The following GRM8 variants were observed in gnomAD, a reference collection of about 807,000 sequenced individuals.
GRM8 encodes the protein metabotropic glutamate receptor 8.
Under a neutral mutation model 87.2 loss-of-function variants are expected in GRM8, and 47 were observed. The ratio of observed to expected loss-of-function variants is 0.54; its 90% CI spans 0.43 to 0.69. The LOEUF (loss-of-function observed/expected upper bound fraction) is 0.69. GRM8 is among the 30% of genes least tolerant of loss of function. The pLI is 0.00. For synonymous variants in GRM8, 396 were observed against 404.5 expected (o/e 0.98, Z 0.25); for missense variants, 1,019 against 1,139.2 (o/e 0.89, Z 1.52).
intron 7 of GRM8, among the ~76,000 whole-genome samples, chr7:126,676,869 A>T (rs1344069388): frequency 1.3e-5 from 2 of 152,090 alleles, no homozygotes; most frequent in Non-Finnish European, 2.9e-5. Flanking sequence ...GAAATAAATG[A>T]GGCCTAATTA....
rs77795179 is a variant in GRM8, at chr7:126,623,423, C to A, written c.1358-13925G>T. Among the ~76,000 whole-genome samples, 573 of 152,182 alleles carry A rather than the reference C, an allele frequency of 3.8e-3. 5 individuals carry two copies. Among genetic ancestry groups the A allele is most frequent in the African/African-American group, 0.013 (554 of 41,520 alleles). ...TACTTTATGCACTTATTTCCTAAGT[C>A]TTCAAAATCTTATGTATACTTTATA... On this transcript the variant is annotated intron_variant, in intron 7 of 10. Coordinates refer to ENST00000339582, the MANE Select transcript of GRM8 (RefSeq NM_000845.3).
chr7:127,056,663 T>C (rs1313718481), intron 3 of GRM8, among the ~76,000 whole-genome samples: 1 of 152,208 alleles, frequency 6.6e-6, no homozygotes, highest in African/African-American at 2.4e-5. Context: ...TATCCTGTAA[T>C]CAAGACACAG....
intron 2 of GRM8, among the ~76,000 whole-genome samples, chr7:127,127,631 C>A (rs778040906): frequency 6.6e-6 from 1 of 151,896 alleles, no homozygotes; most frequent in Non-Finnish European, 1.5e-5. Context: ...GGGGCCAGAG[C>A]AGGGTAAGAG....
At chr7:127,145,948 T>C (rs1828530618) in intron 2 of GRM8, among the ~76,000 whole-genome samples, 1 of 152,016 alleles carries the variant, frequency 6.6e-6, no homozygotes, top group African/African-American at 2.4e-5. Context: ...GTAAGATAAA[T>C]TCACCTTGAG....
At chr7:126,940,903 G>C (rs1333321402) in intron 3 of GRM8, among the ~76,000 whole-genome samples, 4 of 152,098 alleles carry the variant, frequency 2.6e-5, no homozygotes, top group Non-Finnish European at 5.9e-5. Context: ...TGACATTGTC[G>C]AAAAAGGGAC....
At chr7:126,610,280 A>G (rs955167542) in intron 7 of GRM8, among the ~76,000 whole-genome samples, 2 of 152,168 alleles carry the variant, frequency 1.3e-5, no homozygotes, top group African/African-American at 2.4e-5. Flanking sequence ...TCACCACCCC[A>G]ATGTCTTCTT....
intron 6 of GRM8, among the ~76,000 whole-genome samples, chr7:126,896,789 A>G (rs1227979714): frequency 6.6e-6 from 1 of 152,028 alleles, no homozygotes; most frequent in African/African-American, 2.4e-5. Context: ...TGCATAGCAT[A>G]TGCTCACCAC....
At chr7:126,762,916 A>G (rs1340834090) in intron 7 of GRM8, among the ~76,000 whole-genome samples, 3 of 151,990 alleles carry the variant, frequency 2.0e-5, no homozygotes, top group Non-Finnish European at 4.4e-5. Flanking sequence ...AAGTCTTCAT[A>G]AATTTGATAA....
intron 2 of GRM8, among the ~76,000 whole-genome samples, chr7:127,114,953 T>C (rs1826610709): frequency 1.3e-5 from 2 of 152,044 alleles, no homozygotes; most frequent in Non-Finnish European, 2.9e-5. Flanking sequence ...AGCCACAACC[T>C]AGAAGGAGTC....
chr7:127,207,385 C>T (rs1326699607), intron 2 of GRM8, among the ~76,000 whole-genome samples: 3 of 152,080 alleles, frequency 2.0e-5, no homozygotes, highest in Admixed American at 6.6e-5. Flanking sequence ...TTTATTAAAA[C>T]ACTAATCATA....
chr7:126,698,629 G>A (rs1474382579), intron 7 of GRM8, among the ~76,000 whole-genome samples: 7 of 151,944 alleles, frequency 4.6e-5, no homozygotes, highest in Admixed American at 2.0e-4. Flanking sequence ...AATCTAGACC[G>A]TGAAACCTTT....
chr7:126,488,142 C>A (rs780675374), intron 9 of GRM8, among the ~76,000 whole-genome samples: 1 of 151,794 alleles, frequency 6.6e-6, no homozygotes, highest in African/African-American at 2.4e-5. Flanking sequence ...ATTTTCCTTG[C>A]TTTATCAATA....
intron 9 of GRM8, among the ~76,000 whole-genome samples, chr7:126,516,704 A>G (rs1234310350): frequency 1.3e-5 from 2 of 152,110 alleles, no homozygotes; most frequent in Non-Finnish European, 2.9e-5. Context: ...ATGGGAGGCA[A>G]TTTGAGAAAT....
intron 7 of GRM8, among the ~76,000 whole-genome samples, chr7:126,755,846 TAGA>T (rs919482776): frequency 2.6e-5 from 4 of 151,990 alleles, no homozygotes; most frequent in African/African-American, 9.6e-5. Flanking sequence ...TGCTGTTTCC[TAGA>T]AGATGAAATA....
At chr7:127,186,696 A>G (rs182720037) in intron 2 of GRM8, among the ~76,000 whole-genome samples, 153 of 152,342 alleles carry the variant, frequency 1.0e-3, no homozygotes, top group Admixed American at 9.0e-3. Context: ...ACGTGTACAA[A>G]GAGAATATGA....
intron 3 of GRM8, among the ~76,000 whole-genome samples, chr7:126,929,427 ATTTTTT>A (rs984903690): frequency 4.6e-5 from 7 of 152,050 alleles, no homozygotes; most frequent in African/African-American, 1.4e-4. Context: ...ATTTATTTTT[ATTTTTT>A]ATTTTATTGT....
chr7:126,933,605 A>T (rs1271078789), intron 3 of GRM8, among the ~76,000 whole-genome samples: 1 of 152,236 alleles, frequency 6.6e-6, no homozygotes, highest in Admixed American at 6.5e-5. Flanking sequence ...GTAGGAGGAC[A>T]GTGGGGAAGT....
chr7:127,166,277 AT>A (rs950850729), intron 2 of GRM8, among the ~76,000 whole-genome samples: 3 of 151,954 alleles, frequency 2.0e-5, no homozygotes, highest in Admixed American at 1.3e-4. Flanking sequence ...CTCTCTGGTG[AT>A]TTTTTTTCCT....
chr7:126,917,393 A>ACACACATGGACACG (rs1804023300), intron 3 of GRM8, among the ~76,000 whole-genome samples: 1 of 152,002 alleles, frequency 6.6e-6, no homozygotes, highest in South Asian at 2.1e-4. Flanking sequence ...ACACACACAC[A>ACACACATGGACACG]CACACATGGA....
Sources: gnomAD v4.1 joint callset for allele counts (sites outside exome capture counted in the v4.1 genomes callset) on GRCh38, gnomAD v4.1.1 for gene constraint, MANE v1.5 for transcripts, NCBI Gene and HGNC (gene_info 2026-07-23, HGNC 2026-07-21) for gene names.